The following KIF21A variants were observed in gnomAD, a reference collection of about 807,000 sequenced individuals.
The protein encoded by KIF21A is kinesin-like protein KIF21A.
Under a neutral mutation model 202.9 loss-of-function variants are expected in KIF21A, and 114 were observed. The observed-to-expected ratio is 0.56, with a 90% confidence interval of 0.48 to 0.66. The LOEUF is 0.66. Among genes scored for constraint, KIF21A ranks in the 30% least tolerant of loss-of-function variants. The probability of loss-of-function intolerance (pLI) is 0.00; values close to 1 mark genes in which losing one functional copy is unlikely to be tolerated. For synonymous variants in KIF21A, 667 were observed against 670.8 expected (o/e 0.99, Z 0.09); for missense variants, 1,677 against 1,994.9 (o/e 0.84, Z 3.04).
At chr12:39,363,371 A>G (rs1431845359) in intron 6 of KIF21A, among the ~76,000 whole-genome samples, 158 bp from the exon 7 acceptor site, 1 of 152,022 alleles carries the variant, frequency 6.6e-6, no homozygotes. Context: ...TGTCACTGAA[A>G]ATTTAGTACA....
At chr12:39,299,785 G>C (rs1942790661) in intron 37 of KIF21A, among the ~76,000 whole-genome samples, 1 of 152,120 alleles carries the variant, frequency 6.6e-6, no homozygotes, top group Non-Finnish European at 1.5e-5. Flanking sequence ...AAATAAATGA[G>C]ATCATGTATT....
chr12:39,364,432 T>C (rs1423950292), intron 6 of KIF21A, among the ~76,000 whole-genome samples: 1 of 152,196 alleles, frequency 6.6e-6, no homozygotes, highest in Non-Finnish European at 1.5e-5. Flanking sequence ...TTATATCTCC[T>C]AAGAAACTCA....
intron 1 of KIF21A, among the ~76,000 whole-genome samples, chr12:39,433,563 T>C (rs1458171167): frequency 7.2e-5 from 11 of 152,114 alleles, no homozygotes; most frequent in Non-Finnish European, 1.5e-4. Flanking sequence ...AGAAGGAAAA[T>C]TCACATTTTT....
intron 1 of KIF21A, among the ~76,000 whole-genome samples, chr12:39,395,132 C>G (rs57833783): frequency 6.6e-6 from 1 of 151,992 alleles, no homozygotes; most frequent in Admixed American, 6.5e-5. Flanking sequence ...CCCATTTCCC[C>G]GTCCACTACC....
chr12:39,344,456 A>T (rs1477420765), intron 12 of KIF21A, among the ~76,000 whole-genome samples: 3 of 152,154 alleles, frequency 2.0e-5, no homozygotes, highest in Non-Finnish European at 4.4e-5. Context: ...TACAGAATAC[A>T]GTTTTCATTA....
intron 11 of KIF21A, among the ~76,000 whole-genome samples, chr12:39,348,464 T>C (rs1948093130): frequency 2.0e-5 from 3 of 152,044 alleles, no homozygotes; most frequent in Admixed American, 6.6e-5. Flanking sequence ...ATAGTTCTGA[T>C]ACAGACTGAC....
chr12:39,355,183 C>T (rs962815566), intron 10 of KIF21A, among the ~76,000 whole-genome samples: 3 of 152,154 alleles, frequency 2.0e-5, no homozygotes, highest in Non-Finnish European at 4.4e-5. Flanking sequence ...CATGAGTCAT[C>T]TCTGTTCTCT....
chr12:39,378,637 A>G (rs745866553), intron 1 of KIF21A, among the ~76,000 whole-genome samples: 15 of 152,330 alleles, frequency 9.8e-5, no homozygotes, highest in South Asian at 4.1e-4. Flanking sequence ...TGATAATCCA[A>G]GGCCCACAGA....
At chr12:39,329,880 C>T (rs372127976) in intron 24 of KIF21A, among the ~76,000 whole-genome samples, 88 of 151,726 alleles carry the variant, frequency 5.8e-4, no homozygotes, top group African/African-American at 2.1e-3. Context: ...GAGGTTAAAA[C>T]CATAGATGTA....
intron 1 of KIF21A, among the ~76,000 whole-genome samples, chr12:39,373,877 T>C (rs1179877610): frequency 6.6e-6 from 1 of 152,164 alleles, no homozygotes; most frequent in Non-Finnish European, 1.5e-5. Context: ...ATTTCATCCA[T>C]TTGCATGGGT....
At chr12:39,353,038 C>G (rs1156689262) in intron 10 of KIF21A, among the ~76,000 whole-genome samples, 1 of 152,126 alleles carries the variant, frequency 6.6e-6, no homozygotes, top group Non-Finnish European at 1.5e-5. Flanking sequence ...GAAGAAAACA[C>G]AACCTATCTC....
intron 1 of KIF21A, among the ~76,000 whole-genome samples, chr12:39,425,605 T>A (rs1954681551): frequency 6.6e-6 from 1 of 152,154 alleles, no homozygotes; most frequent in Admixed American, 6.5e-5. Flanking sequence ...CAAAGCAATC[T>A]ATGAATAAAC....
intron 1 of KIF21A, among the ~76,000 whole-genome samples, chr12:39,387,074 C>A (rs1425256320): frequency 1.3e-5 from 2 of 149,616 alleles, no homozygotes; most frequent in Non-Finnish European, 3.0e-5. Context: ...AAAAAAAAAA[C>A]TATCTTCAGC....
At position 39,423,941 on chromosome 12, in the gene KIF21A, G is replaced by A. The variant is rs550783411; in HGVS notation, c.44+18986C>T. 1.7e-4 allele frequency among the ~76,000 whole-genome samples: 21 copies of A among 125,850 alleles called. No homozygotes were observed. The South Asian group carries it at 3.4e-3, about 20-fold the overall frequency. The allele number at this position is 125,850 out of a possible 152,430, so 82.6% of individuals were successfully genotyped here. A position where few individuals can be genotyped will look rare whatever the true frequency, so the allele number is the denominator to read the frequency against. On this transcript the variant is annotated intron_variant, in intron 1 of 37. Transcript: ENST00000361418. ...GGAGGTTGCAGTGAGCCGAGATTGC[G>A]CCACTGCACTCCAGCCTGGGGGACA...
chr12:39,337,643 T>A (rs899673910), intron 16 of KIF21A: 1 of 179,456 alleles, frequency 5.6e-6, no homozygotes, highest in East Asian at 1.5e-4. Context: ...TCTCAACAAC[T>A]TGATAAGCAC....
At chr12:39,337,065 C>T (rs1947041034) in intron 17 of KIF21A, 31 bp downstream of exon 17, 3 of 1,416,804 alleles carry the variant, frequency 2.1e-6, no homozygotes, top group Non-Finnish European at 3.0e-6. Context: ...GTACAATTTT[C>T]TTATATAACT....
At chr12:39,347,957 T>C (rs1948043428) in intron 11 of KIF21A, among the ~76,000 whole-genome samples, 1 of 152,094 alleles carries the variant, frequency 6.6e-6, no homozygotes, top group Non-Finnish European at 1.5e-5. Context: ...TCTACGCCTA[T>C]ACTAATGATA....
intron 1 of KIF21A, among the ~76,000 whole-genome samples, chr12:39,426,893 AAAAAAG>A (rs1954806719): frequency 6.6e-6 from 1 of 151,658 alleles, no homozygotes; most frequent in African/African-American, 2.4e-5. Flanking sequence ...AAAAAAAAAA[AAAAAAG>A]AAAAGAAAGA....
intron 37 of KIF21A, among the ~76,000 whole-genome samples, chr12:39,297,376 G>A (rs113097065): frequency 0.13 from 19,795 of 151,904 alleles, 1,373 homozygotes; most frequent in African/African-American, 0.18. Flanking sequence ...AGAAAATGTC[G>A]CACATATACA....
Sources: allele counts gnomAD v4.1 joint callset (sites outside exome capture counted in the v4.1 genomes callset), GRCh38; gene constraint gnomAD v4.1.1; transcripts MANE v1.5; gene names NCBI Gene and HGNC (gene_info 2026-07-23, HGNC 2026-07-21).